MOBP: variants seen among roughly 807,000 people sequenced by gnomAD.
The protein encoded by MOBP is myelin associated oligodendrocyte basic protein.
In MOBP, 5 loss-of-function variants were observed where a neutral mutation model predicts 15.0. That is an observed-to-expected ratio of 0.33 (90% confidence interval 0.17 to 0.70). The LOEUF (loss-of-function observed/expected upper bound fraction) is 0.70. MOBP is among the 30% of genes least tolerant of loss of function. The pLI, the probability that MOBP is intolerant of heterozygous loss-of-function variation, is 0.67. For missense variants in MOBP, 188 were observed against 257.8 expected, an observed-to-expected ratio of 0.73 and a Z score of 1.85; for synonymous variants, 88 against 99.0, an observed-to-expected ratio of 0.89 and a Z score of 0.66.
At chr3:39,491,631 G>A (rs986110732) in intron 2 of MOBP, among the ~76,000 whole-genome samples, 1 of 152,190 alleles carries the variant, frequency 6.6e-6, no homozygotes, top group African/African-American at 2.4e-5. Flanking sequence ...CCTCTATGGT[G>A]TAAAATGCAT....
At chr3:39,520,504 A>C (rs577678), downstream of MOBP, among the ~76,000 whole-genome samples, 1 of 151,790 alleles carries the variant, frequency 6.6e-6, no homozygotes. Context: ...GGAGGAGGGA[A>C]CATCTGGTAC....
Position 39,502,690 on chromosome 3 carries a change from C to T in MOBP, c.362C>T (p.Pro121Leu), listed in dbSNP as rs1217235124. 2 of 1,511,974 alleles carry T rather than the reference C, an allele frequency of 1.3e-6. No individual in the cohort carries two copies. Among genetic ancestry groups the T allele is most frequent in the Admixed American group, 2.1e-5 (1 of 48,116 alleles). 93.7% of individuals were successfully genotyped at this position (1,511,974 alleles called of 1,614,324 possible). ...PRSERQPRSP[P>L]RSERQPRSPP... Reference sequence around the variant, plus strand: ...TCTGAGCGTCAGCCACGGTCCCCTCCGAGGTCTGAGCGTCAGCCACGGTCC... The same window carrying T: ...TCTGAGCGTCAGCCACGGTCCCCTCTGAGGTCTGAGCGTCAGCCACGGTCC... Residue 121 changes from proline to leucine, a missense_variant, in exon 4 of 4, where the codon CCG becomes CTG. By Grantham distance (98) the Pro-to-Leu change is moderately conservative. Coordinates refer to ENST00000684792, the MANE Select transcript of MOBP (RefSeq NM_001393704.1). This position sits in a 1 kb window ranked among gnomAD's most constrained non-coding sequence, Gnocchi z 6.3.
intron 1 of MOBP, among the ~76,000 whole-genome samples, chr3:39,468,761 T>C (rs1682534323): frequency 7.3e-6 from 1 of 136,284 alleles, no homozygotes; most frequent in Non-Finnish European, 1.5e-5. Flanking sequence ...CATATATACA[T>C]GTGTGTGTAT....
downstream of MOBP, chr3:39,526,790 T>TG (rs1268470278): frequency 2.0e-5 from 3 of 150,302 alleles, no homozygotes; most frequent in Non-Finnish European, 4.4e-5. Flanking sequence ...TTTTTTTTTT[T>TG]TTTGAGATGG....
At chr3:39,511,244 G>C (rs977075469) in intron 4 of MOBP, among the ~76,000 whole-genome samples, 3 of 152,166 alleles carry the variant, frequency 2.0e-5, no homozygotes, top group Admixed American at 6.5e-5. Context: ...GTCTTGGAGG[G>C]AGTTAACATC....
At chr3:39,514,965 CGTGTGTGTGTGTGTGT>C (rs34912911) in exon 5 of MOBP, 25,297 of 137,348 alleles carry the variant, frequency 0.18, 2,180 homozygotes, top group Middle Eastern at 0.25. Context: ...CTGGTGTGTG[CGTGTGTGTGTGTGTGT>C]GTGTGTGTGT....
chr3:39,514,529 T>G (rs2043170112), exon 5 of MOBP: 1 of 152,186 alleles, frequency 6.6e-6, no homozygotes, highest in South Asian at 2.1e-4. Context: ...CTGGCTGGCC[T>G]CTCCACATTT....
intron 2 of MOBP, among the ~76,000 whole-genome samples, chr3:39,496,865 G>A (rs1194508027): frequency 1.3e-5 from 2 of 152,028 alleles, no homozygotes; most frequent in Non-Finnish European, 2.9e-5. Flanking sequence ...GTTTCTCCAT[G>A]TTGGTCCTGC....
At chr3:39,523,949 G>A (rs2125677142) in intron 3 of MOBP, among the ~76,000 whole-genome samples, 1 of 152,282 alleles carries the variant, frequency 6.6e-6, no homozygotes. Flanking sequence ...CGAGGGAAAT[G>A]AAAGTTTTAA....
downstream of MOBP, among the ~76,000 whole-genome samples, chr3:39,504,547 C>T (rs532971147): frequency 2.5e-4 from 38 of 152,276 alleles, no homozygotes; most frequent in South Asian, 4.8e-3. Flanking sequence ...CTCCACAGGC[C>T]GTTATTACCT....
chr3:39,513,749 T>C, exon 5 of MOBP: 2 of 316,298 alleles, frequency 6.3e-6, no homozygotes, highest in East Asian at 5.3e-5. Context: ...CCAGGGTCTT[T>C]CATGGCTCAG....
At chr3:39,492,088 A>T (rs2042804148) in intron 2 of MOBP, among the ~76,000 whole-genome samples, 1 of 152,102 alleles carries the variant, frequency 6.6e-6, no homozygotes, top group Non-Finnish European at 1.5e-5. Flanking sequence ...TTGGTTCCCT[A>T]CTCGTAATGC....
At chr3:39,494,027 T>A (rs1438485785) in intron 2 of MOBP, among the ~76,000 whole-genome samples, 1 of 152,202 alleles carries the variant, frequency 6.6e-6, no homozygotes, top group East Asian at 1.9e-4. Context: ...TTTGCCTACC[T>A]TTCATTGACT....
At chr3:39,474,209 T>C (rs1026956798) in intron 1 of MOBP, among the ~76,000 whole-genome samples, 1 of 152,226 alleles carries the variant, frequency 6.6e-6, no homozygotes, top group African/African-American at 2.4e-5. Context: ...TAAAAACATA[T>C]AAATGGCATT....
chr3:39,468,759 C>CAT (rs1464487075), intron 1 of MOBP, among the ~76,000 whole-genome samples: 7 of 129,620 alleles, frequency 5.4e-5, no homozygotes, highest in South Asian at 4.8e-4. Flanking sequence ...TACATATATA[C>CAT]ATGTGTGTGT....
chr3:39,506,901 G>A (rs1373457005), downstream of MOBP, among the ~76,000 whole-genome samples: 2 of 152,194 alleles, frequency 1.3e-5, no homozygotes, highest in Non-Finnish European at 2.9e-5. Context: ...GGTGCTTTCT[G>A]TTGGATTTGT....
At chr3:39,481,746 A>G (rs1470373720) in intron 2 of MOBP, among the ~76,000 whole-genome samples, 1 of 152,222 alleles carries the variant, frequency 6.6e-6, no homozygotes, top group East Asian at 1.9e-4. Context: ...CAACAACTCC[A>G]TGGAATCAAC....
chr3:39,498,186 T>C (rs1445757106), intron 2 of MOBP, among the ~76,000 whole-genome samples: 1 of 152,180 alleles, frequency 6.6e-6, no homozygotes, highest in Non-Finnish European at 1.5e-5. Context: ...TGACTCTGAT[T>C]TAGCATGTGA....
At chr3:39,513,991 G>A (rs2043158416) in exon 5 of MOBP, 1 of 152,894 alleles carries the variant, frequency 6.5e-6, no homozygotes. Context: ...TATTTTCTGA[G>A]TAAGATATTA....
Sources: allele counts gnomAD v4.1 joint callset (sites outside exome capture counted in the v4.1 genomes callset), GRCh38; gene constraint gnomAD v4.1.1; non-coding constraint Gnocchi (gnomAD v3.1); transcripts MANE v1.5; gene names NCBI Gene and HGNC (gene_info 2026-07-23, HGNC 2026-07-21).